Variants in DNAH9 observed in about 807,000 individuals in gnomAD.
DNAH9 encodes the protein DNAH9 variant protein.
A neutral mutation model predicts 471.6 loss-of-function variants in DNAH9; 345 were observed. The ratio of observed to expected loss-of-function variants is 0.73; its 90% CI spans 0.67 to 0.80. The LOEUF is 0.80. Among genes scored for constraint, DNAH9 ranks in the 30% least tolerant of loss-of-function variants. The pLI is 0.00. For synonymous variants in DNAH9, 2,093 were observed against 2,123.6 expected (o/e 0.99, Z 0.40); for missense variants, 5,407 against 5,609.2 (o/e 0.96, Z 1.15).
Position 11,894,448 on chromosome 17 carries a change from C to T in DNAH9, c.11358C>T (p.Thr3786=), listed in dbSNP as rs758918440. The change falls in exon 59 of 69, where the codon ACC becomes ACT. Residue 3786 remains threonine (T), a synonymous_variant. Transcript: ENST00000262442. ...TTCGATCTCCAGTGCAGACGGGCAC[C>T]GCCAGCCCCGTGGAGTTCCTCTCCC... The part of the protein sequence containing the change: ...FLLRSPVQTG[T]ASPVEFLSHQ... 2.2e-5 allele frequency: 35 copies of T among 1,614,000 alleles called. No individual in the cohort carries two copies. The highest frequency in any genetic ancestry group is 1.6e-4 in the Middle Eastern group (1 of 6,084).
intron 53 of DNAH9, among the ~76,000 whole-genome samples, chr17:11,879,387 G>A (rs1456159143): frequency 1.3e-5 from 2 of 151,994 alleles, no homozygotes; most frequent in Non-Finnish European, 2.9e-5. Flanking sequence ...CTCCTTGCCA[G>A]CCTCACTGTA....
chr17:11,654,622 T>C (rs889787837), intron 14 of DNAH9, among the ~76,000 whole-genome samples: 3 of 151,968 alleles, frequency 2.0e-5, no homozygotes, highest in African/African-American at 4.8e-5. Flanking sequence ...AAAATACTTA[T>C]CACAAGAGTC....
intron 33 of DNAH9, among the ~76,000 whole-genome samples, chr17:11,754,592 T>A (rs189612133): frequency 3.2e-4 from 49 of 152,330 alleles, no homozygotes; most frequent in African/African-American, 1.1e-3. Flanking sequence ...GATGTTGAGT[T>A]TTTTTCATAT....
chr17:11,939,600 T>C (rs1437059688), intron 66 of DNAH9, among the ~76,000 whole-genome samples: 9 of 152,164 alleles, frequency 5.9e-5, no homozygotes, highest in Non-Finnish European at 1.2e-4. Flanking sequence ...ACACCGCAGG[T>C]CAGCTCAAGA....
chr17:11,774,320 G>A (rs1847560910), intron 38 of DNAH9, among the ~76,000 whole-genome samples: 1 of 151,756 alleles, frequency 6.6e-6, no homozygotes, highest in Admixed American at 6.6e-5. Context: ...CTTTAAATTT[G>A]CCATACTATA....
intron 52 of DNAH9, among the ~76,000 whole-genome samples, chr17:11,873,839 G>A (rs773743841): frequency 6.1e-4 from 93 of 152,220 alleles, no homozygotes; most frequent in Admixed American, 5.9e-4. Context: ...GTTATGCATA[G>A]ACTAAATGCC....
At position 11,669,802 on chromosome 17, in the gene DNAH9, A is replaced by C. The variant is rs1057029105; in HGVS notation, c.3353+8A>C. 2 of 1,610,010 alleles carry C rather than the reference A, an allele frequency of 1.2e-6. No homozygotes were observed. The highest frequency in any genetic ancestry group is 1.7e-6 in the Non-Finnish European group (2 of 1,177,270). On this transcript the variant is annotated splice_region_variant and intron_variant, in intron 17 of 68. Transcript: ENST00000262442. ...GGACCACGTCACTCACAGGTACAAC[A>C]GTTGTTTTCACTTTCTTCCAGCATG...
chr17:11,624,610 G>A (rs1311997420), intron 6 of DNAH9, among the ~76,000 whole-genome samples: 1 of 152,174 alleles, frequency 6.6e-6, no homozygotes, highest in Non-Finnish European at 1.5e-5. Flanking sequence ...TAGTTACACA[G>A]GTTGGAGAGG....
chr17:11,865,737 C>G (rs922758531), intron 50 of DNAH9, among the ~76,000 whole-genome samples: 58 of 152,040 alleles, frequency 3.8e-4, no homozygotes, highest in Non-Finnish European at 6.0e-4. Context: ...TCTTTTTTCT[C>G]TAAACTTCCG....
In DNAH9 at chr17:11,851,244, G is replaced by A. The variant is rs550328587; in HGVS notation, c.9508-2759G>A. Among the ~76,000 whole-genome samples the A allele has an allele frequency of 2.0e-5, 3 of 152,226 alleles. No individual in the cohort carries two copies. In the East Asian group the frequency reaches 5.8e-4, roughly 29 times the overall value. The stretch of plus-strand genomic sequence containing the variant: ...TCCTGCCTCAGCCTCCTGCCTCAGA[G>A]TAGCTGGGGTTACAGGCGCCTGCCA... On this transcript the variant is annotated intron_variant, in intron 49 of 68. Transcript: ENST00000262442.
At chr17:11,662,819 G>A (rs1191830217) in intron 14 of DNAH9, among the ~76,000 whole-genome samples, 4 of 143,122 alleles carry the variant, frequency 2.8e-5, no homozygotes, top group Non-Finnish European at 6.1e-5. Flanking sequence ...GCAGTGGCGG[G>A]ATCTCGGCTC....
intron 36 of DNAH9, 135 bp downstream of exon 36, chr17:11,763,749 A>G (rs1967818201): frequency 3.6e-6 from 3 of 829,298 alleles, no homozygotes; most frequent in South Asian, 1.7e-5. Context: ...TTAGTCATCT[A>G]CCTATTACTC....
At position 11,929,779 on chromosome 17, in the gene DNAH9, C is replaced by A. The variant is rs145507845; in HGVS notation, c.11878-87C>A. On this transcript the variant is annotated intron_variant, in intron 62 of 68. Coordinates refer to ENST00000262442, the MANE Select transcript of DNAH9 (RefSeq NM_001372.4). ...TTATGTGATGCTAAGACCAGTCCCC[C>A]CTCTGGCTGCCTTCCTGACAACTAT... is the stretch of plus-strand genomic sequence containing the variant. The A allele has an allele frequency of 2.0e-3, 2,176 of 1,106,456 alleles. 7 individuals are homozygous for A. Among genetic ancestry groups the A allele is most frequent in the Non-Finnish European group, 1.8e-3 (1,372 of 773,122 alleles). The allele number at this position is 1,106,456 out of a possible 1,614,324, so 68.5% of individuals were successfully genotyped here.
At chr17:11,896,730 G>T (rs1973228752) in intron 59 of DNAH9, among the ~76,000 whole-genome samples, 1 of 152,158 alleles carries the variant, frequency 6.6e-6, no homozygotes, top group Non-Finnish European at 1.5e-5. Context: ...CCGTCCAAAA[G>T]AAATATAATG....
At chr17:11,790,121 G>GT (rs35320322) in intron 41 of DNAH9, among the ~76,000 whole-genome samples, 11 of 134,118 alleles carry the variant, frequency 8.2e-5, no homozygotes, top group South Asian at 2.4e-4. Context: ...GATGTGCAGG[G>GT]TTTTTTTTTA....
Position 11,929,887 on chromosome 17 carries a change from T to G in DNAH9, c.11899T>G (p.Trp3967Gly). The change falls in exon 63 of 69, where the codon TGG becomes GGG. Residue 3967 changes from tryptophan to glycine, a missense_variant. Physicochemically the swap from Trp to Gly is radical, Grantham distance 184. Around this residue, in one of 3 missense-constraint regions of DNAH9, gnomAD observed 4,636 missense variants for 4,900.3 expected, o/e 0.95. Transcript: ENST00000262442. ...CTAGAACATTCACCTGGTGGCCAAG[T>G]GGCTCAGCACCCTGGAGAAGAAGCT... Reference protein sequence around the residue: ...ILQNIHLVAKWLSTLEKKLEE... With the variant: ...ILQNIHLVAKGLSTLEKKLEE... The G allele has an allele frequency of 6.2e-7, 1 of 1,613,786 alleles. No homozygotes were observed. Among genetic ancestry groups the G allele is most frequent in the East Asian group, 2.2e-5 (1 of 44,868 alleles).
chr17:11,953,489 G>A (rs1432490472), intron 67 of DNAH9, among the ~76,000 whole-genome samples: 1 of 152,082 alleles, frequency 6.6e-6, no homozygotes, highest in African/African-American at 2.4e-5. Flanking sequence ...CCTGTTAATG[G>A]GCATAATCCA....
chr17:11,668,085 T>C (rs933809581), intron 15 of DNAH9, among the ~76,000 whole-genome samples: 5 of 152,242 alleles, frequency 3.3e-5, no homozygotes, highest in African/African-American at 1.2e-4. Context: ...TTGCTCTGTG[T>C]TGTATTTTGA....
At chr17:11,690,479 A>C in intron 20 of DNAH9, 43 bp downstream of exon 20, 1 of 1,568,310 alleles carries the variant, frequency 6.4e-7, no homozygotes, top group Non-Finnish European at 8.7e-7. Context: ...TCTCTGATCC[A>C]GGGTGAAGGG....
Sources: gnomAD v4.1 joint callset for allele counts (sites outside exome capture counted in the v4.1 genomes callset) on GRCh38, gnomAD v4.1.1 for gene constraint, gnomAD v4.1.1 regional missense constraint, MANE v1.5 for transcripts, NCBI Gene and HGNC (gene_info 2026-07-23, HGNC 2026-07-21) for gene names.